PIK3CB: variants seen among roughly 807,000 people sequenced by gnomAD.
The protein encoded by PIK3CB is phosphatidylinositol 4,5-bisphosphate 3-kinase catalytic subunit beta isoform.
A neutral mutation model predicts 136.8 loss-of-function variants in PIK3CB; 39 were observed. That is an observed-to-expected ratio of 0.29 (90% CI 0.22 to 0.37). The LOEUF (loss-of-function observed/expected upper bound fraction) is 0.37, where lower values mean the gene tolerates loss of function less well. Ranked by LOEUF, PIK3CB falls within the 10% of genes least tolerant of loss-of-function variation. PIK3CB has a pLI of 1.00. For synonymous variants in PIK3CB, 428 were observed against 436.6 expected (o/e 0.98, Z 0.25); for missense variants, 868 against 1,275.4 (o/e 0.68, Z 4.87).
chr3:138,781,617 TA>T (rs1333387214), intron 2 of PIK3CB, among the ~76,000 whole-genome samples: 1 of 152,150 alleles, frequency 6.6e-6, no homozygotes, highest in Non-Finnish European at 1.5e-5. Flanking sequence ...CACGCCTGGC[TA>T]ATTTTTTTGT....
intron 4 of PIK3CB, among the ~76,000 whole-genome samples, chr3:138,746,192 G>A (rs1302073720): frequency 6.6e-6 from 1 of 152,094 alleles, no homozygotes; most frequent in Non-Finnish European, 1.5e-5. Context: ...GATACAGCCT[G>A]GGCAACAGAG....
rs1184724506 is a variant in PIK3CB, at chr3:138,759,186, G to A, written c.158C>T (p.Ser53Phe). The change falls in exon 3 of 24, where the codon TCT (serine) becomes TTT (phenylalanine). Residue 53 changes from serine (S) to phenylalanine (F), a missense_variant. Ser to Phe is a radical substitution (Grantham distance 155). This residue lies in a region of PIK3CB where 612 missense variants were observed against 801.1 expected (regional missense o/e 0.76). Transcript: ENST00000674063. ...QLEVPREATISYIKQMLWKQV... is the reference protein window; with the variant it reads ...QLEVPREATIFYIKQMLWKQV... Reference sequence around the variant, plus strand: ...CTATTAACATACCTGCTTAATATAAGAAATGGTAGCTTCCCGAGGTACCTC... The same window carrying A: ...CTATTAACATACCTGCTTAATATAAAAAATGGTAGCTTCCCGAGGTACCTC... 1.9e-6 allele frequency: 3 copies of A among 1,607,872 alleles called. No homozygotes were observed. The East Asian group carries it at 6.7e-5, about 36-fold the overall frequency.
intron 12 of PIK3CB, among the ~76,000 whole-genome samples, chr3:138,702,265 G>T (rs2044271570): frequency 6.8e-6 from 1 of 147,590 alleles, no homozygotes; most frequent in Non-Finnish European, 1.5e-5. Flanking sequence ...TGTAGAGATG[G>T]GGTCTCTCTG....
At chr3:138,726,489 G>A (rs951909398) in intron 8 of PIK3CB, among the ~76,000 whole-genome samples, 9 of 152,034 alleles carry the variant, frequency 5.9e-5, no homozygotes, top group South Asian at 2.1e-4. Flanking sequence ...GCCTGTCCCC[G>A]CTTCTCCTGC....
intron 10 of PIK3CB, among the ~76,000 whole-genome samples, chr3:138,710,867 G>A (rs1260504037): frequency 2.0e-5 from 3 of 151,234 alleles, no homozygotes; most frequent in African/African-American, 4.9e-5. Flanking sequence ...GGTGGATCAC[G>A]AGGTCAGGAG....
At chr3:138,776,997 A>G (rs2045866866) in intron 2 of PIK3CB, among the ~76,000 whole-genome samples, 2 of 152,056 alleles carry the variant, frequency 1.3e-5, no homozygotes. Flanking sequence ...AATTGTGATT[A>G]CACGATCAAC....
At chr3:138,738,962 G>GTATTTTACTTGTTCTTCTGTGTTTTCTA (rs2045177112) in intron 5 of PIK3CB, among the ~76,000 whole-genome samples, 1 of 152,022 alleles carries the variant, frequency 6.6e-6, no homozygotes, top group Non-Finnish European at 1.5e-5. Context: ...ATTTTTTCCA[G>GTATTTTACTTGTTCTTCTGTGTTTTCTA]TATTTTACTT....
chr3:138,680,444 G>A (rs7638385), intron 19 of PIK3CB, among the ~76,000 whole-genome samples: 4,196 of 152,008 alleles, frequency 0.028, 202 homozygotes, highest in African/African-American at 0.097. Context: ...AAAATATGTG[G>A]TAATAAATTT....
At chr3:138,664,377 G>A (rs1051370350) in intron 20 of PIK3CB, among the ~76,000 whole-genome samples, 1 of 152,110 alleles carries the variant, frequency 6.6e-6, no homozygotes, top group Non-Finnish European at 1.5e-5. Context: ...AGTTAGTTTT[G>A]ACCAAAGACT....
intron 1 of PIK3CB, among the ~76,000 whole-genome samples, chr3:138,831,381 T>C (rs572641170): frequency 7.6e-6 from 1 of 130,722 alleles, no homozygotes; most frequent in East Asian, 2.4e-4. Flanking sequence ...TCACCTGAGG[T>C]CAGGAGTTCA....
At chr3:138,667,788 C>T (rs960328202) in intron 19 of PIK3CB, among the ~76,000 whole-genome samples, 9 of 151,552 alleles carry the variant, frequency 5.9e-5, no homozygotes, top group Admixed American at 3.9e-4. Context: ...ACTTTTCATC[C>T]GGGCACGGTG....
chr3:138,823,250 A>G (rs1933638968), intron 1 of PIK3CB, among the ~76,000 whole-genome samples: 1 of 151,958 alleles, frequency 6.6e-6, no homozygotes, highest in Non-Finnish European at 1.5e-5. Context: ...GCAAGTCCCC[A>G]TCCCTAAAAA....
chr3:138,705,175 A>AAAAAG (rs2044344848), intron 11 of PIK3CB, among the ~76,000 whole-genome samples: 1 of 85,980 alleles, frequency 1.2e-5, no homozygotes, highest in Non-Finnish European at 2.2e-5. Flanking sequence ...AAAAAAAAAC[A>AAAAAG]AAAAACAAAA....
chr3:138,755,119 A>T (rs1224867141), intron 4 of PIK3CB, among the ~76,000 whole-genome samples: 2 of 152,238 alleles, frequency 1.3e-5, no homozygotes, highest in East Asian at 3.8e-4. Context: ...ACTTAAAGAT[A>T]ATTTCAGTTA....
At chr3:138,693,968 A>ATATATATATATATATATATATATATAT (rs2044077221) in intron 14 of PIK3CB, among the ~76,000 whole-genome samples, 3 of 59,058 alleles carry the variant, frequency 5.1e-5, no homozygotes, top group Non-Finnish European at 8.4e-5. Context: ...TATATATATT[A>ATATATATATATATATATATATATATAT]TATATATATA....
At chr3:138,666,794 CA>C (rs2043419320) in intron 19 of PIK3CB, among the ~76,000 whole-genome samples, 1 of 152,106 alleles carries the variant, frequency 6.6e-6, no homozygotes, top group African/African-American at 2.4e-5. Context: ...AAATAAGCAA[CA>C]AACAAACAAG....
Position 138,655,282 on chromosome 3 carries a change from T to G in PIK3CB, c.*107A>C. The G allele has an allele frequency of 8.9e-7, 1 of 1,118,360 alleles. No individual in the cohort carries two copies. Among genetic ancestry groups the G allele is most frequent in the Non-Finnish European group, 1.3e-6 (1 of 767,782 alleles). 69.3% of individuals were successfully genotyped at this position (1,118,360 alleles called of 1,614,324 possible). ...CTTAATTTAACTCTGAGTTCCAGGA[T>G]TTCATTCCCTTTATAACATCTCTAA... On this transcript the variant is annotated 3_prime_UTR_variant, in exon 24 of 24. Coordinates refer to ENST00000674063, the MANE Select transcript of PIK3CB (RefSeq NM_006219.3).
intron 1 of PIK3CB, among the ~76,000 whole-genome samples, chr3:138,833,338 A>G (rs1934126493): frequency 6.6e-6 from 1 of 152,080 alleles, no homozygotes; most frequent in African/African-American, 2.4e-5. Flanking sequence ...AAGTGCTGGG[A>G]TTACAGGCGT....
At position 138,691,023 on chromosome 3, in the gene PIK3CB, C is replaced by T. The variant is rs774414160; in HGVS notation, c.2013G>A (p.Gly671=). The part of the protein sequence containing the change: ...LERALGNRRI[G]QFLFWHLRSE... Reference sequence around the variant, plus strand: ...ACCTAAGATGCCAAAATAGAAACTGCCCTATCCTCCGATTACCAAGTGCTC... The same window carrying T: ...ACCTAAGATGCCAAAATAGAAACTGTCCTATCCTCCGATTACCAAGTGCTC... Residue 671 remains glycine, a synonymous_variant, in exon 15 of 24, where the codon GGG becomes GGA. Coordinates refer to ENST00000674063, the MANE Select transcript of PIK3CB (RefSeq NM_006219.3). 8.1e-6 allele frequency: 13 copies of T among 1,612,804 alleles called. No individual in the cohort carries two copies. In the South Asian group the frequency reaches 1.1e-4, roughly 14 times the overall value.
Sources: allele counts gnomAD v4.1 joint callset (sites outside exome capture counted in the v4.1 genomes callset), GRCh38; gene constraint gnomAD v4.1.1; regional missense constraint gnomAD v4.1.1; transcripts MANE v1.5; gene names NCBI Gene and HGNC (gene_info 2026-07-23, HGNC 2026-07-21).